KLHL13: variants seen among roughly 807,000 people sequenced by gnomAD.
The protein encoded by KLHL13 is kelch like family member 13.
KLHL13 carries 10 observed loss-of-function variants against 37.1 expected under a neutral mutation model. That is an observed-to-expected ratio of 0.27 (90% CI 0.17 to 0.46). The LOEUF (loss-of-function observed/expected upper bound fraction) is 0.46. KLHL13 is among the 20% of genes least tolerant of loss of function. KLHL13 has a pLI of 1.00. For synonymous variants in KLHL13, 163 were observed against 181.2 expected, an observed-to-expected ratio of 0.90 and a Z score of 0.81; for missense variants, 360 against 509.3, an observed-to-expected ratio of 0.71 and a Z score of 2.82.
rs6645985 is a variant in KLHL13, at chrX:117,909,608, C to G, written c.1059G>C (p.Leu353=). The change falls in exon 5 of 7, where the codon CTG becomes CTC. Residue 353 remains leucine (L), a synonymous_variant. Transcript: ENST00000262820. ...ACATGCGCAATTCCTTACTGACAAC[C>G]AGCTGCTGCCTCAGCACTCCTCCTA... is the stretch of plus-strand genomic sequence containing the variant. 1.5e-3 allele frequency: 1,794 copies of G among 1,210,060 alleles called. 10 individuals are homozygous for G. In the African/African-American group the frequency reaches 0.019, roughly 12 times the overall value.
At chrX:117,919,304 G>A (rs1338328448) in intron 4 of KLHL13, among the ~76,000 whole-genome samples, 3 of 112,348 alleles carry the variant, frequency 2.7e-5, no homozygotes, top group Non-Finnish European at 5.6e-5. Flanking sequence ...GATTACAGGC[G>A]TGAGCCACGA....
At chrX:118,046,791 C>T (rs984938494) in intron 1 of KLHL13, among the ~76,000 whole-genome samples, 1 of 111,213 alleles carries the variant, frequency 9.0e-6, no homozygotes, top group South Asian at 3.8e-4. Context: ...ACAGAGAGAA[C>T]GGTAGGAGGG....
At chrX:118,051,740 A>G (rs889945789) in intron 1 of KLHL13, among the ~76,000 whole-genome samples, 1 of 110,853 alleles carries the variant, frequency 9.0e-6, no homozygotes, top group Admixed American at 9.7e-5. Context: ...ATTCAATACA[A>G]TTACAATCAA....
intron 1 of KLHL13, among the ~76,000 whole-genome samples, chrX:118,012,306 T>C (rs1157470247): frequency 8.9e-6 from 1 of 112,013 alleles, no homozygotes; most frequent in Non-Finnish European, 1.9e-5. Flanking sequence ...TAGTTGATGA[T>C]CTTACAGCTC....
chrX:117,987,344 A>G (rs983613085), intron 1 of KLHL13, among the ~76,000 whole-genome samples: 40 of 111,804 alleles, frequency 3.6e-4, no homozygotes, highest in African/African-American at 1.3e-3. Context: ...GCTTGGGTAT[A>G]GAAGGTTTAG....
chrX:118,078,945 T>C (rs1191910044), intron 1 of KLHL13, among the ~76,000 whole-genome samples: 1 of 111,275 alleles, frequency 9.0e-6, no homozygotes, highest in Non-Finnish European at 1.9e-5. Context: ...CAGTTAGGTA[T>C]TCTTTTTTTA....
intron 1 of KLHL13, among the ~76,000 whole-genome samples, chrX:118,083,871 TAAAAC>T (rs2055024539): frequency 9.0e-6 from 1 of 111,491 alleles, no homozygotes; most frequent in Admixed American, 9.5e-5. Context: ...TAAAACAAAA[TAAAAC>T]TGTTTTAAAA....
intron 2 of KLHL13, among the ~76,000 whole-genome samples, chrX:117,923,817 T>C (rs1931855087): frequency 9.0e-6 from 1 of 111,692 alleles, no homozygotes; most frequent in African/African-American, 3.3e-5. Flanking sequence ...CTTTTATTCT[T>C]TTCACAGATT....
intron 1 of KLHL13, among the ~76,000 whole-genome samples, chrX:117,993,308 T>C (rs2053815429): frequency 1.8e-5 from 2 of 111,711 alleles, no homozygotes; most frequent in African/African-American, 3.3e-5. Flanking sequence ...AAAAGACTTT[T>C]AGGAGACAAA....
chrX:118,068,535 A>G (rs2054819299), intron 1 of KLHL13, among the ~76,000 whole-genome samples: 1 of 110,522 alleles, frequency 9.0e-6, no homozygotes, highest in Admixed American at 9.6e-5. Context: ...AAGGTAGGCA[A>G]GAGGATCCCA....
intron 1 of KLHL13, among the ~76,000 whole-genome samples, chrX:118,064,382 C>T (rs1262012849): frequency 1.8e-5 from 2 of 111,218 alleles, no homozygotes; most frequent in African/African-American, 6.5e-5. Flanking sequence ...TTCCCTTTTT[C>T]CCTCCAATTC....
chrX:118,017,049 G>A (rs1439136979), intron 1 of KLHL13, among the ~76,000 whole-genome samples: 1 of 110,072 alleles, frequency 9.1e-6, no homozygotes, highest in African/African-American at 3.3e-5. Context: ...TAATTTTCCC[G>A]TCCTCCTTCC....
intron 4 of KLHL13, among the ~76,000 whole-genome samples, chrX:117,915,034 T>A (rs1313794439): frequency 3.6e-5 from 4 of 111,858 alleles, no homozygotes; most frequent in Non-Finnish European, 7.5e-5. Context: ...TTGCCCAATA[T>A]CAGCCCTGTC....
intron 1 of KLHL13, chrX:117,983,592 A>G (rs2147931645): frequency 1.1e-6 from 1 of 903,799 alleles, no homozygotes; most frequent in East Asian, 3.4e-5. Context: ...TAGTTTTATT[A>G]TATTTAGTTC....
At chrX:118,094,038 A>G (rs1477319658) in intron 1 of KLHL13, among the ~76,000 whole-genome samples, 1 of 109,754 alleles carries the variant, frequency 9.1e-6, no homozygotes, top group Non-Finnish European at 1.9e-5. Flanking sequence ...AATGACTTTG[A>G]CGAGTTGAGA....
intron 1 of KLHL13, among the ~76,000 whole-genome samples, chrX:118,013,162 G>A (rs1213364495): frequency 2.7e-5 from 3 of 112,035 alleles, no homozygotes; most frequent in Non-Finnish European, 5.6e-5. Flanking sequence ...AGTGAAAGGG[G>A]ATAGAAAATA....
chrX:118,077,195 T>G (rs2054938539), intron 1 of KLHL13, among the ~76,000 whole-genome samples: 2 of 111,361 alleles, frequency 1.8e-5, no homozygotes, highest in Non-Finnish European at 3.8e-5. Context: ...TCCAATGAAC[T>G]AGGCTAGGTA....
chrX:118,110,100 C>A (rs2055391123), intron 1 of KLHL13, among the ~76,000 whole-genome samples: 1 of 111,322 alleles, frequency 9.0e-6, no homozygotes, highest in African/African-American at 3.3e-5. Context: ...AAAAGGCTGT[C>A]AAGATGTTAT....
intron 1 of KLHL13, among the ~76,000 whole-genome samples, chrX:118,069,149 C>G (rs868819779): frequency 1.2e-5 from 1 of 80,898 alleles, no homozygotes; most frequent in Non-Finnish European, 2.2e-5. Flanking sequence ...ACACACACAC[C>G]CTCACCTGAA....
Sources: gnomAD v4.1 joint callset for allele counts (sites outside exome capture counted in the v4.1 genomes callset) on GRCh38, gnomAD v4.1.1 for gene constraint, MANE v1.5 for transcripts, NCBI Gene and HGNC (gene_info 2026-07-23, HGNC 2026-07-21) for gene names.